The following HERC2 variants were observed in gnomAD, a reference collection of about 807,000 sequenced individuals.
The protein encoded by HERC2 is E3 ubiquitin-protein ligase HERC2.
A neutral mutation model predicts 537.7 loss-of-function variants in HERC2; 102 were observed. That is an observed-to-expected ratio of 0.19 (90% CI 0.16 to 0.22). The LOEUF (loss-of-function observed/expected upper bound fraction) is 0.22, where lower values mean the gene tolerates loss of function less well. Among genes scored for constraint, HERC2 ranks in the 10% least tolerant of loss-of-function variants. The probability of loss-of-function intolerance (pLI) is 1.00; values close to 1 mark genes in which losing one functional copy is unlikely to be tolerated. For missense variants in HERC2, 4,236 were observed against 6,198.2 expected, an observed-to-expected ratio of 0.68 and a Z score of 10.63; for synonymous variants, 2,224 against 2,466.2, an observed-to-expected ratio of 0.90 and a Z score of 2.91.
intron 39 of HERC2, among the ~76,000 whole-genome samples, chr15:28,215,371 T>TACAA (rs1248612713): frequency 3.3e-5 from 5 of 152,210 alleles, no homozygotes; most frequent in African/African-American, 1.2e-4. Context: ...ACAATTACAC[T>TACAA]ACAAATTCTG....
chr15:28,129,082 C>G (rs1357557814), intron 83 of HERC2, among the ~76,000 whole-genome samples: 1 of 152,230 alleles, frequency 6.6e-6, no homozygotes, highest in Non-Finnish European at 1.5e-5. Flanking sequence ...ATCAAGTCAG[C>G]TGACTCACAA....
intron 47 of HERC2, 133 bp downstream of exon 47, chr15:28,201,980 G>T: frequency 9.4e-7 from 1 of 1,061,840 alleles, no homozygotes; most frequent in Non-Finnish European, 1.4e-6. Flanking sequence ...AATACCATAG[G>T]TTGGTTTTAT....
At chr15:28,253,284 T>G (rs567234080) in intron 20 of HERC2, among the ~76,000 whole-genome samples, 214 of 152,380 alleles carry the variant, frequency 1.4e-3, no homozygotes, top group Admixed American at 2.4e-3. Flanking sequence ...ATGCTCACCA[T>G]TCTTTCACAT....
chr15:28,146,538 G>A (rs1278758727), intron 70 of HERC2, among the ~76,000 whole-genome samples, 194 bp from the exon 71 acceptor site: 4 of 152,264 alleles, frequency 2.6e-5, no homozygotes, highest in Non-Finnish European at 5.9e-5. Context: ...CTGTGGACTG[G>A]AAGGCCAGAA....
At chr15:28,216,396 G>A (rs990365501) in intron 38 of HERC2, among the ~76,000 whole-genome samples, 1 of 150,766 alleles carries the variant, frequency 6.6e-6, no homozygotes, top group Admixed American at 6.6e-5. Context: ...TTTTTCACTA[G>A]GTTTACACCA....
intron 56 of HERC2, among the ~76,000 whole-genome samples, chr15:28,184,299 T>C (rs574888396): frequency 6.6e-6 from 1 of 152,184 alleles, no homozygotes; most frequent in South Asian, 2.1e-4. Flanking sequence ...TCTGGCACCA[T>C]GTAAGTATCA....
chr15:28,273,297 G>A (rs1596366023), intron 7 of HERC2: 5 of 449,964 alleles, frequency 1.1e-5, no homozygotes, highest in African/African-American at 2.0e-5. Flanking sequence ...AAAAACATAA[G>A]TAGAAGAATA....
At chr15:28,151,172 T>C (rs2142332246) in intron 70 of HERC2, among the ~76,000 whole-genome samples, 1 of 152,316 alleles carries the variant, frequency 6.6e-6, no homozygotes, top group South Asian at 2.1e-4. Context: ...GTGTATGAAA[T>C]GTGGTTATGT....
chr15:28,111,789 TAG>T lies in HERC2; in HGVS notation c.14477_14478del (p.Ser4826TyrfsTer18). ...TAGTGTCCTGTTAAATAATCTTGTG[TAG>T]AGTCCGAAGCAAAGGAGTCGACATC... Reference protein sequence around the residue: ...NEDVDSFASDSTQDYLTGH With the variant: ...NEDVDSFASDXTQDYLTGH On this transcript the variant is annotated frameshift_variant, in exon 93 of 93. Coordinates refer to ENST00000261609, the MANE Select transcript of HERC2 (RefSeq NM_004667.6). LOFTEE classifies it high-confidence loss of function. 6.2e-7 allele frequency: 1 copy of T among 1,614,228 alleles called. No homozygotes were observed. Among genetic ancestry groups the T allele is most frequent in the Non-Finnish European group, 8.5e-7 (1 of 1,180,032 alleles).
At chr15:28,244,107 T>C (rs775371972) in intron 23 of HERC2, among the ~76,000 whole-genome samples, 4 of 152,042 alleles carry the variant, frequency 2.6e-5, no homozygotes, top group African/African-American at 9.7e-5. Flanking sequence ...AAGGCTACAG[T>C]GAGCCATGAT....
intron 69 of HERC2, among the ~76,000 whole-genome samples, chr15:28,158,475 C>T (rs1436773647): frequency 6.6e-6 from 1 of 152,176 alleles, no homozygotes; most frequent in Non-Finnish European, 1.5e-5. Context: ...GAATTGATCC[C>T]TTTACCATTA....
At chr15:28,277,789 C>T (rs2075914896) in intron 5 of HERC2, among the ~76,000 whole-genome samples, 2 of 152,214 alleles carry the variant, frequency 1.3e-5, no homozygotes, top group East Asian at 3.9e-4. Flanking sequence ...GTTTAATTTA[C>T]CCTAAAACTA....
In HERC2 at chr15:28,214,678, G is replaced by C. The variant is rs542163867; in HGVS notation, c.6335C>G (p.Ser2112Cys). 32 of 1,611,918 alleles carry C rather than the reference G, an allele frequency of 2.0e-5. No individual in the cohort carries two copies. Among genetic ancestry groups the C allele is most frequent in the Non-Finnish European group, 2.6e-5 (31 of 1,179,860 alleles). The change falls in exon 40 of 93, where the codon TCC becomes TGC. Residue 2112 changes from serine to cysteine, a missense_variant. By Grantham distance (112) the Ser-to-Cys change is moderately radical. This residue lies in a region of HERC2 where 365 missense variants were observed against 468.8 expected (regional missense o/e 0.78). Coordinates refer to ENST00000261609, the MANE Select transcript of HERC2 (RefSeq NM_004667.6). ...ACCTCTGAGTAATGGCACGTCAGAG[G>C]AGCAGGTAGTGAGCAAGCTTCCCAA... ...DFLGSLLTTC[S>C]SDVPLLREST...
intron 88 of HERC2, 47 bp downstream of exon 88, chr15:28,116,618 C>T (rs4778247): frequency 0.96 from 1,452,099 of 1,512,300 alleles, 706,512 homozygotes; most frequent in Non-Finnish European, 1. Context: ...AACTCAAGAG[C>T]AGGCACAGGC....
rs575531701 is a variant in HERC2, at chr15:28,257,650, G to T, written c.2317-389C>A. 3.3e-5 allele frequency among the ~76,000 whole-genome samples: 5 copies of T among 152,112 alleles called. No homozygotes were observed. In the South Asian group the frequency reaches 1.0e-3, roughly 32 times the overall value. ...ACAACCTTTCACAGTGAAATAACAAGTAATCGGCAAGGATCTAAGAGAACG... is the reference window on the plus strand; with the variant it reads ...ACAACCTTTCACAGTGAAATAACAATTAATCGGCAAGGATCTAAGAGAACG... On this transcript the variant is annotated intron_variant, in intron 16 of 92. Transcript: ENST00000261609.
intron 35 of HERC2, among the ~76,000 whole-genome samples, chr15:28,225,076 TA>T (rs778497949): frequency 8.8e-4 from 134 of 152,220 alleles, no homozygotes; most frequent in Middle Eastern, 6.8e-3. Flanking sequence ...CTGGAAGAAC[TA>T]AAAAATAACA....
At chr15:28,133,358 C>T (rs180690224) in intron 79 of HERC2, among the ~76,000 whole-genome samples, 73 of 152,214 alleles carry the variant, frequency 4.8e-4, no homozygotes, top group African/African-American at 1.7e-3. Flanking sequence ...GGCTATCAGA[C>T]CTTAGTCAGA....
Position 28,186,588 on chromosome 15 carries a change from G to A in HERC2, c.8814C>T (p.Gly2938=). 1 of 1,613,790 alleles carries A rather than the reference G, an allele frequency of 6.2e-7. No individual in the cohort carries two copies. Among genetic ancestry groups the A allele is most frequent in the Non-Finnish European group, 8.5e-7 (1 of 1,179,846 alleles). The part of the protein sequence containing the change: ...SDNEEEEDEK[G]NSGSLIRKKA... ...CAAATGGTTCTCACCTTCCGCTGTTGCCTTTCTCATCCTCCTCCTCTTCAT... is the reference window on the plus strand; with the variant it reads ...CAAATGGTTCTCACCTTCCGCTGTTACCTTTCTCATCCTCCTCCTCTTCAT... The change falls in exon 56 of 93, where the codon GGC becomes GGT. Residue 2938 remains glycine (G), a synonymous_variant. Transcript: ENST00000261609.
intron 48 of HERC2, among the ~76,000 whole-genome samples, chr15:28,200,682 A>T (rs1429599658): frequency 1.3e-5 from 2 of 152,070 alleles, no homozygotes; most frequent in African/African-American, 4.8e-5. Flanking sequence ...CATTAAAGCC[A>T]TTTCTGAGAA....
Sources: allele counts gnomAD v4.1 joint callset (sites outside exome capture counted in the v4.1 genomes callset), GRCh38; gene constraint gnomAD v4.1.1; regional missense constraint gnomAD v4.1.1; transcripts MANE v1.5; gene names NCBI Gene and HGNC (gene_info 2026-07-23, HGNC 2026-07-21).